RIF1: variants seen among roughly 807,000 people sequenced by gnomAD.
The protein encoded by RIF1 is replication timing regulatory factor 1, also known as telomere-associated protein RIF1.
Under a neutral mutation model 247.1 loss-of-function variants are expected in RIF1, and 45 were observed. The ratio of observed to expected loss-of-function variants is 0.18; its 90% CI spans 0.14 to 0.23. The LOEUF is 0.23. RIF1 is among the 10% of genes least tolerant of loss of function. The pLI is 1.00. For missense variants in RIF1, 2,967 were observed against 2,862.5 expected (o/e 1.04, Z -0.83); for synonymous variants, 1,087 against 978.8 (o/e 1.11, Z -2.06).
intron 34 of RIF1, 122 bp downstream of exon 34, chr2:151,469,986 G>T: frequency 1.6e-6 from 1 of 607,026 alleles, no homozygotes. Context: ...ATTTTGTACT[G>T]TCTTTATGCA....
chr2:151,518,589 T>G, the RIF1 span, among the ~76,000 whole-genome samples: 2 of 152,184 alleles, frequency 1.3e-5, no homozygotes, highest in Non-Finnish European at 2.9e-5. Context: ...AGGATCCAAG[T>G]TCAGTATTGT....
chr2:151,514,994 C>G, the RIF1 span: 1 of 1,006,502 alleles, frequency 9.9e-7, no homozygotes, highest in Non-Finnish European at 1.5e-6. Flanking sequence ...CTCTCCATCT[C>G]AGGAAGAAAA....
Position 151,457,947 on chromosome 2 carries a change from T to C in RIF1, c.2839T>C (p.Tyr947His). ...TTTTGCCAAAGTGATGATGTTGGTT[T>C]ATCCTGAAGAGTTAAAGTATGCTAA... Reference protein sequence around the residue: ...ATFAKVMMLVYPEELKPVLTQ... With the variant: ...ATFAKVMMLVHPEELKPVLTQ... Residue 947 changes from tyrosine to histidine, a missense_variant, in exon 24 of 36, where the codon TAT becomes CAT. This residue lies in a region of RIF1 where 2,028 missense variants were observed against 1,825.6 expected (regional missense o/e 1.11). Coordinates refer to ENST00000444746, the MANE Select transcript of RIF1 (RefSeq NM_018151.5). 6.2e-7 allele frequency: 1 copy of C among 1,613,400 alleles called. No individual in the cohort carries two copies. The highest frequency in any genetic ancestry group is 8.5e-7 in the Non-Finnish European group (1 of 1,179,494).
intron 34 of RIF1, among the ~76,000 whole-genome samples, chr2:151,473,105 A>G (rs1340048774): frequency 6.6e-6 from 1 of 152,096 alleles, no homozygotes; most frequent in Admixed American, 6.6e-5. Context: ...ATTACGAATA[A>G]TGCTGCTGTG....
intron 8 of RIF1, among the ~76,000 whole-genome samples, chr2:151,424,825 ATTTT>A (rs71000475): frequency 5.1e-3 from 243 of 47,268 alleles, no homozygotes; most frequent in Middle Eastern, 0.023. Context: ...AGCCCGGCTG[ATTTT>A]TTTTTTTTTT....
intron 9 of RIF1, chr2:151,493,657 G>C: frequency 1.1e-6 from 1 of 895,332 alleles, no homozygotes; most frequent in Non-Finnish European, 1.7e-6. Context: ...AAGTGGACAA[G>C]GAAGAATTTT....
chr2:151,501,502 C>A, intron 11 of RIF1: 1 of 1,406,962 alleles, frequency 7.1e-7, no homozygotes, highest in Non-Finnish European at 9.5e-7. Context: ...ACAAAACCAA[C>A]AAACAAATCA....
At chr2:151,512,224 T>G (rs971058341), downstream of RIF1, among the ~76,000 whole-genome samples, 2 of 151,922 alleles carry the variant, frequency 1.3e-5, no homozygotes, top group Admixed American at 6.6e-5. Flanking sequence ...TTAGTAGAGA[T>G]AGAGTTTCAC....
At chr2:151,427,632 G>T (rs938994713) in intron 8 of RIF1, among the ~76,000 whole-genome samples, 1 of 149,970 alleles carries the variant, frequency 6.7e-6, no homozygotes, top group Non-Finnish European at 1.5e-5. Flanking sequence ...GAAGTTATCC[G>T]GTTTTCTACC....
chr2:151,434,597 C>T (rs933214302), intron 10 of RIF1, among the ~76,000 whole-genome samples: 7 of 151,892 alleles, frequency 4.6e-5, no homozygotes, highest in African/African-American at 1.2e-4. Flanking sequence ...CCCGCCACCA[C>T]GCCCAGCTAA....
At chr2:151,429,071 A>G in intron 9 of RIF1, 149 bp downstream of exon 9, 1 of 591,894 alleles carries the variant, frequency 1.7e-6, no homozygotes, top group South Asian at 2.2e-5. Flanking sequence ...ATAAATTTGT[A>G]CTGAAAATAG....
At chr2:151,473,935 C>T (rs747034951) in intron 34 of RIF1, 29 bp from the exon 35 acceptor site, 62 of 1,125,704 alleles carry the variant, frequency 5.5e-5, no homozygotes, top group Middle Eastern at 3.9e-4. Flanking sequence ...TGTTGTTTTG[C>T]GTTTTTTTCT....
At chr2:151,526,903 G>T in the RIF1 span, 9 of 1,530,748 alleles carry the variant, frequency 5.9e-6, no homozygotes, top group Non-Finnish European at 8.0e-6. Flanking sequence ...ATCATGGAAG[G>T]AACTAGGTAC....
intron 20 of RIF1, among the ~76,000 whole-genome samples, chr2:151,447,382 C>A (rs1425296428): frequency 6.6e-6 from 1 of 152,170 alleles, no homozygotes; most frequent in Non-Finnish European, 1.5e-5. Context: ...GGTATTCTTG[C>A]CAATGAAATC....
chr2:151,509,101 C>G (rs1219975610), downstream of RIF1, among the ~76,000 whole-genome samples: 1 of 152,128 alleles, frequency 6.6e-6, no homozygotes, highest in Admixed American at 6.5e-5. Context: ...TCTCTATGTA[C>G]TTTGTTAATA....
intron 11 of RIF1, among the ~76,000 whole-genome samples, chr2:151,501,212 A>G (rs1390353762): frequency 6.6e-6 from 1 of 152,242 alleles, no homozygotes; most frequent in African/African-American, 2.4e-5. Flanking sequence ...TAGAAAGTAT[A>G]AAATGTTTGT....
At chr2:151,526,015 T>A in the RIF1 span, 9 of 1,613,832 alleles carry the variant, frequency 5.6e-6, no homozygotes, top group Middle Eastern at 1.6e-4. Flanking sequence ...TCTCTGGTAG[T>A]GTTGTGTATG....
the RIF1 span, among the ~76,000 whole-genome samples, chr2:151,528,861 C>G: frequency 6.6e-6 from 1 of 152,134 alleles, no homozygotes; most frequent in Non-Finnish European, 1.5e-5. Flanking sequence ...GAGTTTGAGG[C>G]AGGAGGAGAG....
chr2:151,490,459 C>G, intron 9 of RIF1: 5 of 1,607,706 alleles, frequency 3.1e-6, no homozygotes, highest in Non-Finnish European at 4.2e-6. Flanking sequence ...TCCTCACCCC[C>G]ACTGATGCTT....
Sources: allele counts gnomAD v4.1 joint callset (sites outside exome capture counted in the v4.1 genomes callset), GRCh38; gene constraint gnomAD v4.1.1; regional missense constraint gnomAD v4.1.1; transcripts MANE v1.5; gene names NCBI Gene and HGNC (gene_info 2026-07-23, HGNC 2026-07-21).